ATAD3B: variants seen among roughly 807,000 people sequenced by gnomAD.
ATAD3B encodes the protein ATPase family AAA domain containing 3B.
In ATAD3B, 59 loss-of-function variants were observed where a neutral mutation model predicts 70.2. The ratio of observed to expected loss-of-function variants is 0.84; its 90% confidence interval spans 0.68 to 1.04. ATAD3B has a LOEUF of 1.04. Ranked by LOEUF, ATAD3B falls within the 50% of genes least tolerant of loss-of-function variation. ATAD3B has a pLI of 0.00. For synonymous variants in ATAD3B, 423 were observed against 388.6 expected, an observed-to-expected ratio of 1.09 and a Z score of -1.04; for missense variants, 961 against 913.4, an observed-to-expected ratio of 1.05 and a Z score of -0.67.
Position 1,496,210 on chromosome 1 carries a change from GTC to G in ATAD3B, c.*399_*400del, listed in dbSNP as rs1640787486. ...AGTCCCACAGGTGCCTCACCGCCGT[GTC>G]TCTCTATTGACTGACACTGCTCGGG... is the stretch of plus-strand genomic sequence containing the variant. On this transcript the variant is annotated 3_prime_UTR_variant, in exon 16 of 16. Coordinates refer to ENST00000673477, the MANE Select transcript of ATAD3B (RefSeq NM_031921.6). The G allele has an allele frequency of 9.9e-7, 1 of 1,012,902 alleles. No homozygotes were observed. The highest frequency in any genetic ancestry group is 1.2e-6 in the Non-Finnish European group (1 of 847,554). 62.7% of individuals were successfully genotyped at this position (1,012,902 alleles called of 1,614,324 possible).
In ATAD3B at chr1:1,477,287, G is replaced by C. The variant is rs747600018; in HGVS notation, c.219G>C (p.Glu73Asp). 6.8e-5 allele frequency: 109 copies of C among 1,612,330 alleles called. 1 individual carries two copies. The highest frequency in any genetic ancestry group is 8.6e-5 in the Non-Finnish European group (101 of 1,179,698). The change falls in exon 2 of 16, where the codon GAG becomes GAC. Residue 73 changes from glutamate to aspartate, a missense_variant. Physicochemically the swap from Glu to Asp is conservative, Grantham distance 45. This residue lies in a region of ATAD3B where 187 missense variants were observed against 244.3 expected (regional missense o/e 0.77). Coordinates refer to ENST00000673477, the MANE Select transcript of ATAD3B (RefSeq NM_031921.6). Reference protein sequence around the residue: ...RELEHSRYAKEALNLAQMQEQ... With the variant: ...RELEHSRYAKDALNLAQMQEQ... ...ATGCGCCCGCAGGTTACGCCAAGGAGGCCCTGAATCTGGCGCAGATGCAGG... is the reference window on the plus strand; with the variant it reads ...ATGCGCCCGCAGGTTACGCCAAGGACGCCCTGAATCTGGCGCAGATGCAGG...
intron 12 of ATAD3B, among the ~76,000 whole-genome samples, chr1:1,488,174 C>T (rs1318664296): frequency 6.6e-6 from 1 of 151,962 alleles, no homozygotes; most frequent in Non-Finnish European, 1.5e-5. Flanking sequence ...TCAAGTTGGT[C>T]AAGAACTCCT....
At chr1:1,476,252 C>T (rs1290616625) in intron 1 of ATAD3B, among the ~76,000 whole-genome samples, 1 of 147,838 alleles carries the variant, frequency 6.8e-6, no homozygotes. Flanking sequence ...AGCAGACCCA[C>T]CCCAACACCA....
At position 1,487,913 on chromosome 1, in the gene ATAD3B, CTG is replaced by C. The variant is rs1640319160; in HGVS notation, c.1266+2_1266+3del. On this transcript the variant is annotated splice_donor_variant and coding_sequence_variant, in exon 12 of 16. Coordinates refer to ENST00000673477, the MANE Select transcript of ATAD3B (RefSeq NM_031921.6). LOFTEE classifies it high-confidence loss of function. Reference sequence around the variant, plus strand: ...GACGCCTTCCTTCGGAAGCGAGCCACTGTGAGTGTCACTAAGCCTCTGTCTGG... The same window carrying C: ...GACGCCTTCCTTCGGAAGCGAGCCACTGAGTGTCACTAAGCCTCTGTCTGG... 1 of 1,613,128 alleles carries C rather than the reference CTG, an allele frequency of 6.2e-7. No individual in the cohort carries two copies. The highest frequency in any genetic ancestry group is 2.2e-5 in the East Asian group (1 of 44,868).
downstream of ATAD3B, among the ~76,000 whole-genome samples, chr1:1,502,574 C>T (rs1291575353): frequency 4.0e-5 from 5 of 125,204 alleles, no homozygotes; most frequent in South Asian, 5.4e-4. Flanking sequence ...TCCAGTGGCA[C>T]GATCTTGTCT....
intron 4 of ATAD3B, 25 bp from the exon 5 acceptor site, chr1:1,480,842 C>G (rs147329037): frequency 3.1e-6 from 5 of 1,593,630 alleles, no homozygotes; most frequent in Non-Finnish European, 4.3e-6. Flanking sequence ...AAAGGCTTTT[C>G]TCTTTTTCTG....
In ATAD3B at chr1:1,471,850, G is replaced by T. The variant is rs750682127; in HGVS notation, c.-35G>T. The T allele has an allele frequency of 4.7e-6, 6 of 1,271,528 alleles. No homozygotes were observed. The highest frequency in any genetic ancestry group is 7.1e-5 in the South Asian group (2 of 28,270). The allele number at this position is 1,271,528 out of a possible 1,614,324, so 78.8% of individuals were successfully genotyped here. A position where few individuals can be genotyped will look rare whatever the true frequency, so the allele number is the denominator to read the frequency against. ...GCGCCCGAGTCAGACTCGGGTGGGGGTCCCGGCGGCGGTAGCGGCGGCGGC... is the reference window on the plus strand; with the variant it reads ...GCGCCCGAGTCAGACTCGGGTGGGGTTCCCGGCGGCGGTAGCGGCGGCGGC... On this transcript the variant is annotated 5_prime_UTR_variant, in exon 1 of 16. Coordinates refer to ENST00000673477, the MANE Select transcript of ATAD3B (RefSeq NM_031921.6).
chr1:1,486,934 G>A (rs1640252152), intron 11 of ATAD3B, among the ~76,000 whole-genome samples: 2 of 150,948 alleles, frequency 1.3e-5, no homozygotes, highest in Admixed American at 6.6e-5. Flanking sequence ...AGGGGGAGAG[G>A]GGTCTTCACA....
At chr1:1,480,222 GCA>G (rs1221486661) in intron 4 of ATAD3B, among the ~76,000 whole-genome samples, 9 of 113,734 alleles carry the variant, frequency 7.9e-5, no homozygotes, top group African/African-American at 2.2e-4. Context: ...GCACCCATGG[GCA>G]CACACACATT....
chr1:1,494,523 C>T (rs1256712985), intron 15 of ATAD3B, among the ~76,000 whole-genome samples: 1 of 151,744 alleles, frequency 6.6e-6, no homozygotes, highest in Non-Finnish European at 1.5e-5. Context: ...TCCCGGGCCC[C>T]CGACCCACAG....
At chr1:1,477,836 G>C (rs1639674686) in intron 2 of ATAD3B, among the ~76,000 whole-genome samples, 1 of 152,046 alleles carries the variant, frequency 6.6e-6, no homozygotes, top group Non-Finnish European at 1.5e-5. Flanking sequence ...CTCTGGAGTA[G>C]CTGGGATTAC....
At chr1:1,479,837 G>A (rs1473796605) in intron 4 of ATAD3B, among the ~76,000 whole-genome samples, 1 of 124,520 alleles carries the variant, frequency 8.0e-6, no homozygotes, top group Non-Finnish European at 1.7e-5. Context: ...CCTTCACACA[G>A]GCACACACCG....
At chr1:1,479,783 C>G (rs145679677) in intron 4 of ATAD3B, among the ~76,000 whole-genome samples, 2 of 143,518 alleles carry the variant, frequency 1.4e-5, no homozygotes, top group Non-Finnish European at 3.0e-5. Context: ...GCTTACACAC[C>G]CCCCCGCACA....
intron 15 of ATAD3B, among the ~76,000 whole-genome samples, chr1:1,492,640 C>A (rs978712876): frequency 6.6e-6 from 1 of 150,532 alleles, no homozygotes; most frequent in Non-Finnish European, 1.5e-5. Flanking sequence ...ACTAAAAATA[C>A]AAAAATTAAC....
chr1:1,484,847 C>A (rs921244037), intron 7 of ATAD3B, 169 bp from the exon 8 acceptor site: 1 of 1,406,062 alleles, frequency 7.1e-7, no homozygotes, highest in Admixed American at 2.8e-5. Flanking sequence ...CTCCTGTAAC[C>A]GCGTGGCTGT....
At chr1:1,485,915 C>G (rs554356765) in intron 9 of ATAD3B, 77 bp downstream of exon 9, 1 of 1,608,690 alleles carries the variant, frequency 6.2e-7, no homozygotes, top group African/African-American at 1.3e-5. Flanking sequence ...CCCTTGCTAG[C>G]GCTCGTGGTG....
intron 1 of ATAD3B, among the ~76,000 whole-genome samples, chr1:1,474,130 C>G (rs1440646790): frequency 6.6e-6 from 1 of 152,018 alleles, no homozygotes; most frequent in Non-Finnish European, 1.5e-5. Context: ...AGCCGTCCAA[C>G]CGTCTCAGCC....
At position 1,475,365 on chromosome 1, in the gene ATAD3B, C is replaced by T. The variant is rs1394617647; in HGVS notation, c.206-1909C>T. 2.0e-5 allele frequency among the ~76,000 whole-genome samples: 3 copies of T among 151,694 alleles called. No individual in the cohort carries two copies. The South Asian group carries it at 6.3e-4, about 32-fold the overall frequency. On this transcript the variant is annotated intron_variant, in intron 1 of 15. Transcript: ENST00000673477. ...TGACTGCCCCCTTTCCCCGGGTGCC[C>T]CCTGCCCTGCCCCTCTGCCTGGTAG...
intron 15 of ATAD3B, among the ~76,000 whole-genome samples, chr1:1,491,674 A>G (rs1357195728): frequency 6.6e-6 from 1 of 152,050 alleles, no homozygotes; most frequent in Admixed American, 6.6e-5. Flanking sequence ...TCGATCTAGC[A>G]GCGTATTTGA....
Sources: allele counts gnomAD v4.1 joint callset (sites outside exome capture counted in the v4.1 genomes callset), GRCh38; gene constraint gnomAD v4.1.1; regional missense constraint gnomAD v4.1.1; transcripts MANE v1.5; gene names NCBI Gene and HGNC (gene_info 2026-07-23, HGNC 2026-07-21).